ARL15: variants seen among roughly 807,000 people sequenced by gnomAD.
The protein encoded by ARL15 is ARF like GTPase 15.
In ARL15, 19 loss-of-function variants were observed where a neutral mutation model predicts 25.2. That is an observed-to-expected ratio of 0.75 (90% CI 0.53 to 1.10). ARL15 has a LOEUF of 1.10. ARL15 is among the 50% of genes least tolerant of loss of function. The pLI, the probability that ARL15 is intolerant of heterozygous loss-of-function variation, is 0.00. For synonymous variants in ARL15, 94 were observed against 86.8 expected (o/e 1.08, Z -0.46); for missense variants, 220 against 246.0 (o/e 0.89, Z 0.71).
At chr5:54,134,863 G>A (rs556874393) in intron 3 of ARL15, among the ~76,000 whole-genome samples, 14 of 152,158 alleles carry the variant, frequency 9.2e-5, no homozygotes, top group Non-Finnish European at 1.9e-4. Flanking sequence ...GATTACAGGC[G>A]TGAGCCACTG....
chr5:54,115,155 A>C (rs183242983), intron 3 of ARL15, among the ~76,000 whole-genome samples: 70 of 152,292 alleles, frequency 4.6e-4, no homozygotes, highest in African/African-American at 1.6e-3. Context: ...CAGAGAGCCA[A>C]CACACCACTG....
intron 1 of ARL15, among the ~76,000 whole-genome samples, chr5:54,205,262 T>A (rs1272516895): frequency 1.3e-5 from 2 of 152,136 alleles, no homozygotes; most frequent in Non-Finnish European, 2.9e-5. Context: ...ACACTTTACA[T>A]CAGGCCCCCA....
chr5:54,099,879 G>T lies in ARL15; in HGVS notation c.462+13323C>A, dbSNP rs200606428. Among the ~76,000 whole-genome samples, 6 of 152,178 alleles carry T rather than the reference G, an allele frequency of 3.9e-5. No homozygotes were observed. In the East Asian group the frequency reaches 1.2e-3, roughly 29 times the overall value. On this transcript the variant is annotated intron_variant, in intron 4 of 4. Coordinates refer to ENST00000504924, the MANE Select transcript of ARL15 (RefSeq NM_019087.3). The stretch of plus-strand genomic sequence containing the variant: ...AGTTTTTGCCCAATATAATTTAGAT[G>T]GTCAACAGTGAGAAGGATTTAAATC...
intron 3 of ARL15, among the ~76,000 whole-genome samples, chr5:54,122,551 CTTTT>C (rs1441520982): frequency 6.6e-6 from 1 of 152,192 alleles, no homozygotes; most frequent in Non-Finnish European, 1.5e-5. Flanking sequence ...ATTTCTCTTT[CTTTT>C]GTTATAAAGC....
At chr5:54,201,608 C>T (rs1430166795) in intron 1 of ARL15, among the ~76,000 whole-genome samples, 1 of 152,042 alleles carries the variant, frequency 6.6e-6, no homozygotes, top group Non-Finnish European at 1.5e-5. Context: ...ACCCCTTATG[C>T]TTCTTCTTAG....
intron 1 of ARL15, among the ~76,000 whole-genome samples, chr5:54,226,937 T>G (rs990063326): frequency 4.0e-5 from 6 of 151,878 alleles, no homozygotes; most frequent in Admixed American, 6.6e-5. Flanking sequence ...TCTCATGAGA[T>G]CTGATGGTCT....
chr5:54,306,418 C>T (rs556337800), intron 1 of ARL15, among the ~76,000 whole-genome samples: 3,150 of 127,892 alleles, frequency 0.025, 62 homozygotes, highest in Non-Finnish European at 0.036. Flanking sequence ...TGTCTTGAGA[C>T]GGAGTCTCAC....
chr5:54,158,640 C>T (rs1321053679), intron 2 of ARL15, among the ~76,000 whole-genome samples: 3 of 152,064 alleles, frequency 2.0e-5, no homozygotes, highest in East Asian at 1.9e-4. Context: ...TTTGGGAGGC[C>T]GAGGCGGGTG....
intron 4 of ARL15, among the ~76,000 whole-genome samples, chr5:54,096,011 T>C (rs750177965): frequency 6.6e-6 from 1 of 152,198 alleles, no homozygotes; most frequent in African/African-American, 2.4e-5. Context: ...AGGTCAGTAT[T>C]AGAAGTTGGA....
chr5:54,049,749 T>A (rs1750649014), intron 4 of ARL15, among the ~76,000 whole-genome samples: 1 of 152,006 alleles, frequency 6.6e-6, no homozygotes, highest in Admixed American at 6.6e-5. Context: ...CTGATTTTTT[T>A]TTTGTAGAGA....
intron 3 of ARL15, among the ~76,000 whole-genome samples, chr5:54,133,130 A>G (rs773355731): frequency 1.1e-4 from 16 of 152,212 alleles, no homozygotes; most frequent in Non-Finnish European, 1.8e-4. Flanking sequence ...AAATATTTAG[A>G]AACTCAATTC....
rs370964154 is a variant in ARL15, at chr5:54,014,778, G to A, written c.462+98424C>T. ...TGACCTCAGGTGATCCACCCGCCTC[G>A]GCCTCCCATTCTTTTTTAACCTCAA... On this transcript the variant is annotated intron_variant, in intron 4 of 4. Transcript: ENST00000504924. Among the ~76,000 whole-genome samples, 28 of 151,636 alleles carry A rather than the reference G, an allele frequency of 1.8e-4. 1 individual carries two copies. The South Asian group carries it at 4.6e-3, about 25-fold the overall frequency.
intron 1 of ARL15, among the ~76,000 whole-genome samples, chr5:54,281,764 T>G (rs1260493000): frequency 6.6e-6 from 1 of 152,230 alleles, no homozygotes; most frequent in African/African-American, 2.4e-5. Flanking sequence ...ATTGCTTAGT[T>G]CTACTGTATT....
intron 4 of ARL15, among the ~76,000 whole-genome samples, chr5:53,970,101 A>T (rs1747687441): frequency 1.3e-5 from 2 of 152,204 alleles, no homozygotes. Context: ...GAAGTTTGAG[A>T]GGAAACTCCC....
chr5:53,899,345 CCCAAAAAAAAAAAAAAAAAAAAAAAA>C (rs1744982113), intron 4 of ARL15, among the ~76,000 whole-genome samples: 1 of 51,232 alleles, frequency 2.0e-5, no homozygotes. Context: ...GAGACTCTAT[CCCAAAAAAAAAAAAAAAAAAAAAAAA>C]AAAAAAAAAA....
intron 4 of ARL15, among the ~76,000 whole-genome samples, chr5:53,942,480 G>A (rs1180661694): frequency 6.6e-6 from 1 of 152,184 alleles, no homozygotes; most frequent in Non-Finnish European, 1.5e-5. Flanking sequence ...AGGCGCGGTG[G>A]CTCATGCCTG....
intron 4 of ARL15, among the ~76,000 whole-genome samples, chr5:54,093,677 T>C (rs1281475907): frequency 7.5e-6 from 1 of 133,828 alleles, no homozygotes; most frequent in Non-Finnish European, 1.6e-5. Context: ...AAGTATAATA[T>C]AAACATTTAA....
chr5:53,970,135 G>A (rs1198655731), intron 4 of ARL15, among the ~76,000 whole-genome samples: 1 of 151,990 alleles, frequency 6.6e-6, no homozygotes, highest in Admixed American at 6.6e-5. Flanking sequence ...AAATGTGGCT[G>A]CAAAAAAATT....
intron 1 of ARL15, among the ~76,000 whole-genome samples, chr5:54,230,347 A>G (rs1579932964): frequency 2.4e-5 from 1 of 42,018 alleles, no homozygotes; most frequent in South Asian, 7.4e-4. Flanking sequence ...TCCATCTCAG[A>G]AAAAAAAAAA....
Sources: allele counts gnomAD v4.1 joint callset (sites outside exome capture counted in the v4.1 genomes callset), GRCh38; gene constraint gnomAD v4.1.1; transcripts MANE v1.5; gene names NCBI Gene and HGNC (gene_info 2026-07-23, HGNC 2026-07-21).